PPP2R5B: variants seen among roughly 807,000 people sequenced by gnomAD.
PPP2R5B encodes serine/threonine-protein phosphatase 2A 56 kDa regulatory subunit beta isoform.
In PPP2R5B, 19 loss-of-function variants were observed where a neutral mutation model predicts 59.9. The ratio of observed to expected loss-of-function variants is 0.32; its 90% confidence interval spans 0.22 to 0.47. The LOEUF is 0.47. Ranked by LOEUF, PPP2R5B falls within the 20% of genes least tolerant of loss-of-function variation. PPP2R5B has a pLI of 1.00. For missense variants in PPP2R5B, 441 were observed against 640.2 expected (o/e 0.69, Z 3.36); for synonymous variants, 286 against 260.5 (o/e 1.10, Z -0.94).
At chr11:64,920,859 A>G (rs1356679267), upstream of PPP2R5B, among the ~76,000 whole-genome samples, 8 of 150,352 alleles carry the variant, frequency 5.3e-5, no homozygotes, top group Non-Finnish European at 8.9e-5. Flanking sequence ...CGAAGTTTTG[A>G]CCTCATGATC....
chr11:64,922,702 G>A (rs1267870104), upstream of PPP2R5B, among the ~76,000 whole-genome samples: 1 of 151,776 alleles, frequency 6.6e-6, no homozygotes, highest in Non-Finnish European at 1.5e-5. Flanking sequence ...GTGAAACCCC[G>A]TCTCTACTAA....
chr11:64,925,845 C>T lies in PPP2R5B; in HGVS notation c.111C>T (p.Arg37=), dbSNP rs1565099050. The part of the protein sequence containing the change: ...KVDGFSRRSL[R]RARPRRSHSS... ...ACGGCTTCTCCCGCCGTTCCCTCCGCAGAGCCCGGCCCCGCCGCTCCCACA... is the reference window on the plus strand; with the variant it reads ...ACGGCTTCTCCCGCCGTTCCCTCCGTAGAGCCCGGCCCCGCCGCTCCCACA... Residue 37 remains arginine, a synonymous_variant, in exon 2 of 14, where the codon CGC becomes CGT. Transcript: ENST00000164133. The surrounding 1 kb of genome is among the most constrained non-coding windows in gnomAD (Gnocchi z 4.6). 2 of 1,611,128 alleles carry T rather than the reference C, an allele frequency of 1.2e-6. No homozygotes were observed. Among genetic ancestry groups the T allele is most frequent in the Admixed American group, 3.3e-5 (2 of 59,962 alleles).
In PPP2R5B at chr11:64,933,692, C is replaced by T; in HGVS notation, c.1347-5C>T. The T allele has an allele frequency of 6.4e-7, 1 of 1,551,198 alleles. No individual in the cohort carries two copies. Among genetic ancestry groups the T allele is most frequent in the Non-Finnish European group, 8.7e-7 (1 of 1,146,866 alleles). ...AAAGGGAGCTGCCTCACCCTCTCTC[C>T]CCAGGGAGCAGCAGAAGGCCCAGGA... On this transcript the variant is annotated splice_polypyrimidine_tract_variant and splice_region_variant and intron_variant, in intron 13 of 13. Coordinates refer to ENST00000164133, the MANE Select transcript of PPP2R5B (RefSeq NM_006244.4).
rs1465397691 is a variant in PPP2R5B at position 64,933,146 on chromosome 11, A to C, written c.1246A>C (p.Thr416Pro). The C allele has an allele frequency of 6.2e-7, 1 of 1,609,618 alleles. No homozygotes were observed. Among genetic ancestry groups the C allele is most frequent in the Non-Finnish European group, 8.5e-7 (1 of 1,176,320 alleles). Residue 416 changes from threonine to proline, a missense_variant and splice_region_variant, in exon 13 of 14, where the codon ACC becomes CCC. Thr to Pro is a conservative substitution (Grantham distance 38). Coordinates refer to ENST00000164133, the MANE Select transcript of PPP2R5B (RefSeq NM_006244.4). ...TCATCCCTCCTTGACACTGCCAAGA[A>C]CCATCGTATCACTGATCTACAATGT... ...YQVSKEHWNQ[T>P]IVSLIYNVLK...
At chr11:64,927,013 C>G in intron 3 of PPP2R5B, 105 bp downstream of exon 3, 1 of 1,372,918 alleles carries the variant, frequency 7.3e-7, no homozygotes, top group Admixed American at 2.2e-5. Flanking sequence ...TACTCATCGG[C>G]TTGGCCTCAG....
At position 64,931,256 on chromosome 11, in the gene PPP2R5B, A is replaced by C. The variant is rs1027624376; in HGVS notation, c.892-180A>C. On this transcript the variant is annotated intron_variant, in intron 8 of 13. Transcript: ENST00000164133. The surrounding 1 kb of genome is among the most constrained non-coding windows in gnomAD (Gnocchi z 5.0). ...CCACTCCCCGCGAGATCAGAGTTGT[A>C]TTCCCAGCACACTGAATGTGATGCC... Among the ~76,000 whole-genome samples the C allele has an allele frequency of 6.6e-6, 1 of 152,188 alleles. No individual in the cohort carries two copies. Among genetic ancestry groups the C allele is most frequent in the Non-Finnish European group, 1.5e-5 (1 of 68,040 alleles).
rs142900024 is a variant in PPP2R5B, at chr11:64,933,977, G to A, written c.*133G>A. ...GTGGCTTCTGAGGACTCCCTGCCCA[G>A]CCCAGCTTTCACTGGGGGGAGACGA... On this transcript the variant is annotated 3_prime_UTR_variant, in exon 14 of 14. Coordinates refer to ENST00000164133, the MANE Select transcript of PPP2R5B (RefSeq NM_006244.4). 9.3e-4 allele frequency: 1,065 copies of A among 1,149,650 alleles called. 3 individuals are homozygous for A. The African/African-American group carries it at 0.016, about 17-fold the overall frequency. The allele number at this position is 1,149,650 out of a possible 1,614,324, so 71.2% of individuals were successfully genotyped here.
At chr11:64,930,880 A>ATT (rs1426356163) in intron 8 of PPP2R5B, among the ~76,000 whole-genome samples, 1 of 148,048 alleles carries the variant, frequency 6.8e-6, no homozygotes, top group Non-Finnish European at 1.5e-5. Flanking sequence ...TTGATACACA[A>ATT]TTTTTTTTTT....
Position 64,925,895 on chromosome 11 carries a change from G to A in PPP2R5B, c.161G>A (p.Ser54Asn). Residue 54 changes from serine to asparagine, a missense_variant, in exon 2 of 14, where the codon AGC becomes AAC. Ser to Asn is a conservative substitution (Grantham distance 46). Around this residue, in one of 3 missense-constraint regions of PPP2R5B, gnomAD observed 103 missense variants for 87.9 expected, o/e 1.17. Coordinates refer to ENST00000164133, the MANE Select transcript of PPP2R5B (RefSeq NM_006244.4). The surrounding 1 kb of genome is among the most constrained non-coding windows in gnomAD (Gnocchi z 4.6). ...SHSSSQFRYQSNQQELTPLPL... is the reference protein window; with the variant it reads ...SHSSSQFRYQNNQQELTPLPL... ...AGCTCCTCTCAGTTCCGCTATCAGA[G>A]CAACCAGCAAGAGCTCACACCGCTG... 1 of 1,612,076 alleles carries A rather than the reference G, an allele frequency of 6.2e-7. No homozygotes were observed. The highest frequency in any genetic ancestry group is 8.5e-7 in the Non-Finnish European group (1 of 1,179,910).
At chr11:64,928,845 C>G (rs1459759181) in intron 6 of PPP2R5B, among the ~76,000 whole-genome samples, 1 of 152,138 alleles carries the variant, frequency 6.6e-6, no homozygotes, top group African/African-American at 2.4e-5. Context: ...GACTGCGCCA[C>G]TGCAGTCCGC....
In PPP2R5B at chr11:64,925,622, C is replaced by CCCCCAAAGG. The variant is rs1554968371; in HGVS notation, c.-111_-110insCCAAAGGCC. 7.3e-6 allele frequency: 4 copies of CCCCCAAAGG among 550,406 alleles called. No individual in the cohort carries two copies. The Admixed American group carries it at 1.3e-4, about 18-fold the overall frequency. 34.1% of individuals were successfully genotyped at this position (550,406 alleles called of 1,614,324 possible). On this transcript the variant is annotated 5_prime_UTR_variant, in exon 2 of 14. Coordinates refer to ENST00000164133, the MANE Select transcript of PPP2R5B (RefSeq NM_006244.4). This position sits in a 1 kb window ranked among gnomAD's most constrained non-coding sequence, Gnocchi z 4.6. The stretch of plus-strand genomic sequence containing the variant: ...CCCAGGACTGTGGTTGTGCCCCCCC[C>CCCCCAAAGG]CCAAAGGCCGGACAGGATGGGACCA...
Position 64,925,849 on chromosome 11 carries a change from G to T in PPP2R5B, c.115G>T (p.Ala39Ser). ...DGFSRRSLRR[A>S]RPRRSHSSSQ... Reference sequence around the variant, plus strand: ...CTTCTCCCGCCGTTCCCTCCGCAGAGCCCGGCCCCGCCGCTCCCACAGCTC... The same window carrying T: ...CTTCTCCCGCCGTTCCCTCCGCAGATCCCGGCCCCGCCGCTCCCACAGCTC... The change falls in exon 2 of 14, where the codon GCC (alanine) becomes TCC (serine). Residue 39 changes from alanine (A) to serine (S), a missense_variant. This residue lies in a region of PPP2R5B where 103 missense variants were observed against 87.9 expected (regional missense o/e 1.17). Transcript: ENST00000164133. The surrounding 1 kb of genome is among the most constrained non-coding windows in gnomAD (Gnocchi z 4.6). 1 of 1,610,860 alleles carries T rather than the reference G, an allele frequency of 6.2e-7. No homozygotes were observed. Among genetic ancestry groups the T allele is most frequent in the Non-Finnish European group, 8.5e-7 (1 of 1,179,676 alleles).
intron 1 of PPP2R5B, among the ~76,000 whole-genome samples, chr11:64,918,910 A>G (rs990138519): frequency 6.6e-6 from 1 of 152,196 alleles, no homozygotes; most frequent in Non-Finnish European, 1.5e-5. Flanking sequence ...AGTCCCACCC[A>G]TGGGTGGTTT....
Position 64,925,614 on chromosome 11 carries a change from G to GA in PPP2R5B, c.-121_-120insA. 2.2e-6 allele frequency: 1 copy of GA among 450,336 alleles called. No homozygotes were observed. Among genetic ancestry groups the GA allele is most frequent in the South Asian group, 2.4e-5 (1 of 42,434 alleles). The allele number at this position is 450,336 out of a possible 1,614,324, so 27.9% of individuals were successfully genotyped here. A position where few individuals can be genotyped will look rare whatever the true frequency, so the allele number is the denominator to read the frequency against. On this transcript the variant is annotated 5_prime_UTR_variant, in exon 2 of 14. Transcript: ENST00000164133. This position sits in a 1 kb window ranked among gnomAD's most constrained non-coding sequence, Gnocchi z 4.6. Reference sequence around the variant, plus strand: ...GGGGGGGGCCCAGGACTGTGGTTGTGCCCCCCCCCCAAAGGCCGGACAGGA... The same window carrying GA: ...GGGGGGGGCCCAGGACTGTGGTTGTGACCCCCCCCCCAAAGGCCGGACAGGA...
At chr11:64,920,146 C>A (rs1293892354), upstream of PPP2R5B, among the ~76,000 whole-genome samples, 3 of 152,094 alleles carry the variant, frequency 2.0e-5, no homozygotes, top group Non-Finnish European at 4.4e-5. Flanking sequence ...AGAAAAAACA[C>A]CACTTCTCCT....
upstream of PPP2R5B, among the ~76,000 whole-genome samples, chr11:64,920,021 CAG>C (rs1258935938): frequency 6.6e-6 from 1 of 151,534 alleles, no homozygotes; most frequent in Non-Finnish European, 1.5e-5. Context: ...CTGAGGTGGC[CAG>C]AGTCACTTGA....
In PPP2R5B at chr11:64,925,608, G is replaced by T. The variant is rs957076497; in HGVS notation, c.-127G>T. 2.3e-5 allele frequency: 13 copies of T among 567,234 alleles called. No homozygotes were observed. Among genetic ancestry groups the T allele is most frequent in the Non-Finnish European group, 3.8e-5 (12 of 319,184 alleles). The allele number at this position is 567,234 out of a possible 1,614,324, so 35.1% of individuals were successfully genotyped here. A position where few individuals can be genotyped will look rare whatever the true frequency, so the allele number is the denominator to read the frequency against. On this transcript the variant is annotated 5_prime_UTR_variant, in exon 2 of 14. Coordinates refer to ENST00000164133, the MANE Select transcript of PPP2R5B (RefSeq NM_006244.4). This position sits in a 1 kb window ranked among gnomAD's most constrained non-coding sequence, Gnocchi z 4.6. ...GCCCTGGGGGGGGGCCCAGGACTGT[G>T]GTTGTGCCCCCCCCCCAAAGGCCGG... is the stretch of plus-strand genomic sequence containing the variant.
Position 64,925,639 on chromosome 11 carries a change from A to C in PPP2R5B, c.-96A>C. 3.7e-4 allele frequency: 148 copies of C among 396,054 alleles called. No homozygotes were observed. Among genetic ancestry groups the C allele is most frequent in the East Asian group, 1.0e-3 (12 of 11,902 alleles). 24.5% of individuals were successfully genotyped at this position (396,054 alleles called of 1,614,324 possible). On this transcript the variant is annotated 5_prime_UTR_variant, in exon 2 of 14. An upstream start codon of the reference 5' UTR is lost. Coordinates refer to ENST00000164133, the MANE Select transcript of PPP2R5B (RefSeq NM_006244.4). This position sits in a 1 kb window ranked among gnomAD's most constrained non-coding sequence, Gnocchi z 4.6. ...GCCCCCCCCCCAAAGGCCGGACAGG[A>C]TGGGACCAAGTTAGTCTGTCCAGTC...
intron 12 of PPP2R5B, 41 bp from the exon 13 acceptor site, chr11:64,933,104 A>G: frequency 1.9e-6 from 3 of 1,559,844 alleles, no homozygotes; most frequent in Non-Finnish European, 2.6e-6. Context: ...TGGGCAAACC[A>G]AAGCTGTTTC....
Sources: allele counts gnomAD v4.1 joint callset (sites outside exome capture counted in the v4.1 genomes callset), GRCh38; gene constraint gnomAD v4.1.1; regional missense constraint gnomAD v4.1.1; non-coding constraint Gnocchi (gnomAD v3.1); transcripts MANE v1.5; gene names NCBI Gene and HGNC (gene_info 2026-07-23, HGNC 2026-07-21).